Variants in ECM2 observed in about 807,000 individuals in gnomAD.
The protein encoded by ECM2 is extracellular matrix protein 2, female organ and adipocyte specific.
ECM2 carries 57 observed loss-of-function variants against 67.5 expected under a neutral mutation model. The observed-to-expected ratio is 0.84, with a 90% confidence interval of 0.68 to 1.05. ECM2 has a LOEUF of 1.05. ECM2 is among the 50% of genes least tolerant of loss of function. ECM2 has a pLI of 0.00. For synonymous variants in ECM2, 258 were observed against 294.5 expected (o/e 0.88, Z 1.27); for missense variants, 741 against 822.8 (o/e 0.90, Z 1.22).
rs199600306 is a variant in ECM2, at chr9:92,500,950, G to A, written c.1708C>T (p.Arg570Trp). Residue 570 changes from arginine to tryptophan, a missense_variant, in exon 9 of 10, where the codon CGG (arginine) becomes TGG (tryptophan). Arg to Trp is a moderately radical substitution (Grantham distance 101). Coordinates refer to ENST00000344604, the MANE Select transcript of ECM2 (RefSeq NM_001393.4). The stretch of plus-strand genomic sequence containing the variant: ...TGGCCAAACACATAGCCAGGGATCC[G>A]TTCAATCTGGTTCCCAAGGAGTACT... ...HLVLLGNQIE[R>W]IPGYVFGHME... is the part of the protein sequence containing the mutation. 195 of 1,614,032 alleles carry A rather than the reference G, an allele frequency of 1.2e-4. No individual in the cohort carries two copies. Among genetic ancestry groups the A allele is most frequent in the Non-Finnish European group, 1.4e-4 (171 of 1,180,048 alleles).
At chr9:92,535,721 T>C (rs1270514882) in intron 1 of ECM2, among the ~76,000 whole-genome samples, 2 of 151,978 alleles carry the variant, frequency 1.3e-5, no homozygotes, top group Non-Finnish European at 1.5e-5. Flanking sequence ...CCTAAACATA[T>C]AAAAATAATT....
At position 92,514,856 on chromosome 9, in the gene ECM2, C is replaced by T; in HGVS notation, c.829G>A (p.Glu277Lys). The change falls in exon 4 of 10, where the codon GAG becomes AAG. Residue 277 changes from glutamate to lysine, a missense_variant. Physicochemically the swap from Glu to Lys is moderately conservative, Grantham distance 56. Transcript: ENST00000344604. ...QGREEEEDEE[E>K]EGEEGEEDEE... Reference sequence around the variant, plus strand: ...TCCTCCTCACCCTCCTCACCCTCCTCCTCCTCATCCTCCTCCTCCTCCCTT... The same window carrying T: ...TCCTCCTCACCCTCCTCACCCTCCTTCTCCTCATCCTCCTCCTCCTCCCTT... 2 of 1,612,784 alleles carry T rather than the reference C, an allele frequency of 1.2e-6. No individual in the cohort carries two copies. The highest frequency in any genetic ancestry group is 8.5e-7 in the Non-Finnish European group (1 of 1,179,326).
chr9:92,513,039 C>T (rs1847452116), intron 4 of ECM2, among the ~76,000 whole-genome samples: 1 of 152,140 alleles, frequency 6.6e-6, no homozygotes, highest in Admixed American at 6.5e-5. Context: ...CACAGATGGC[C>T]ATCTCTGCAC....
chr9:92,535,198 C>G (rs1849094721), intron 1 of ECM2, among the ~76,000 whole-genome samples: 1 of 152,164 alleles, frequency 6.6e-6, no homozygotes, highest in African/African-American at 2.4e-5. Context: ...AAATCAGTAT[C>G]TAAACAGTCT....
the ECM2 span, among the ~76,000 whole-genome samples, chr9:92,546,005 G>A: frequency 2.0e-5 from 3 of 151,816 alleles, no homozygotes; most frequent in African/African-American, 4.8e-5. Flanking sequence ...GTCTAGCTCA[G>A]GGATTGTGAA....
chr9:92,494,961 C>T (rs1846282112), downstream of ECM2, among the ~76,000 whole-genome samples: 1 of 152,130 alleles, frequency 6.6e-6, no homozygotes, highest in South Asian at 2.1e-4. Context: ...ACTCATGAAA[C>T]TGAAAGTCAC....
rs1033162791 is a variant in ECM2, at chr9:92,514,397, T to G, written c.1054+234A>C. ...TCAAACGATTCTCCTGCCTCGGCCT[T>G]CTGAGTAGCTGGGATTACAGGCATG... On this transcript the variant is annotated intron_variant, in intron 4 of 9. Coordinates refer to ENST00000344604, the MANE Select transcript of ECM2 (RefSeq NM_001393.4). Among the ~76,000 whole-genome samples, 8 of 151,870 alleles carry G rather than the reference T, an allele frequency of 5.3e-5. No homozygotes were observed. The South Asian group carries it at 1.7e-3, about 32-fold the overall frequency.
intron 4 of ECM2, among the ~76,000 whole-genome samples, chr9:92,513,593 A>T (rs1020444131): frequency 1.3e-5 from 2 of 152,216 alleles, no homozygotes; most frequent in Non-Finnish European, 2.9e-5. Flanking sequence ...ACATGATGGA[A>T]CACTACTTGG....
At chr9:92,515,865 T>C (rs1847670566) in intron 3 of ECM2, among the ~76,000 whole-genome samples, 1 of 152,164 alleles carries the variant, frequency 6.6e-6, no homozygotes. Flanking sequence ...TGATGTTGCT[T>C]TAACTTAGAC....
intron 1 of ECM2, chr9:92,527,860 T>C (rs1009278259): frequency 6.5e-6 from 1 of 154,160 alleles, no homozygotes; most frequent in African/African-American, 2.4e-5. Flanking sequence ...GCATACAGTA[T>C]ATCACCTGAA....
chr9:92,533,249 G>A (rs1407010772), intron 1 of ECM2, among the ~76,000 whole-genome samples: 8 of 131,436 alleles, frequency 6.1e-5, no homozygotes, highest in Non-Finnish European at 4.7e-5. Flanking sequence ...GCAGTGAGCC[G>A]AGATCACACC....
At chr9:92,539,647 A>G (rs1022065180), upstream of ECM2, among the ~76,000 whole-genome samples, 1 of 152,076 alleles carries the variant, frequency 6.6e-6, no homozygotes, top group African/African-American at 2.4e-5. Flanking sequence ...AGGAAGATGG[A>G]GAGGATGCTA....
At chr9:92,512,257 CAG>C in intron 4 of ECM2, 131 bp from the exon 5 acceptor site, 1 of 519,624 alleles carries the variant, frequency 1.9e-6, no homozygotes, top group Non-Finnish European at 3.5e-6. Context: ...AGAACAAGGA[CAG>C]AATATATATT....
chr9:92,512,471 A>T (rs1847413037), intron 4 of ECM2, among the ~76,000 whole-genome samples: 1 of 152,194 alleles, frequency 6.6e-6, no homozygotes, highest in Non-Finnish European at 1.5e-5. Context: ...TTACACAGAA[A>T]CTGATTTTTA....
rs547215751 is a variant in ECM2, at chr9:92,525,272, T to C, written c.-27-2379A>G. On this transcript the variant is annotated intron_variant, in intron 1 of 9. Transcript: ENST00000344604. ...GTTCAAGGTTGCAGTGAGCAATGAT[T>C]GCAGCACTGTACTCCAGCCTGGGTA... 2.0e-5 allele frequency among the ~76,000 whole-genome samples: 3 copies of C among 151,552 alleles called. No homozygotes were observed. In the East Asian group the frequency reaches 5.8e-4, roughly 30 times the overall value.
the ECM2 span, among the ~76,000 whole-genome samples, chr9:92,545,423 CCCAGCAGTG>C: frequency 1.1e-4 from 16 of 152,170 alleles, no homozygotes; most frequent in African/African-American, 3.9e-4. Flanking sequence ...CGTCGGGTAC[CCCAGCAGTG>C]CCGGCCCACC....
At chr9:92,548,724 G>T in the ECM2 span, among the ~76,000 whole-genome samples, 4 of 152,190 alleles carry the variant, frequency 2.6e-5, no homozygotes, top group African/African-American at 9.7e-5. Flanking sequence ...AATTTTGAGA[G>T]AAGTTAAAGC....
chr9:92,543,508 T>G, the ECM2 span, among the ~76,000 whole-genome samples: 1 of 148,966 alleles, frequency 6.7e-6, no homozygotes, highest in South Asian at 2.1e-4. Flanking sequence ...AAAGATTGCA[T>G]TAGCTATTCA....
chr9:92,518,001 T>C, intron 2 of ECM2, 126 bp from the exon 3 acceptor site: 3 of 1,101,806 alleles, frequency 2.7e-6, no homozygotes, highest in South Asian at 1.5e-5. Flanking sequence ...TGTGCATTCA[T>C]GTATAGGGTA....
Sources: allele counts gnomAD v4.1 joint callset (sites outside exome capture counted in the v4.1 genomes callset), GRCh38; gene constraint gnomAD v4.1.1; transcripts MANE v1.5; gene names NCBI Gene and HGNC (gene_info 2026-07-23, HGNC 2026-07-21).